The following KCNAB1 variants were observed in gnomAD, a reference collection of about 807,000 sequenced individuals.
The protein encoded by KCNAB1 is voltage-gated potassium channel subunit beta-1.
Under a neutral mutation model 64.6 loss-of-function variants are expected in KCNAB1, and 35 were observed. That is an observed-to-expected ratio of 0.54 (90% CI 0.41 to 0.72). The LOEUF (loss-of-function observed/expected upper bound fraction) is 0.72, where lower values mean the gene tolerates loss of function less well. KCNAB1 is among the 30% of genes least tolerant of loss of function. KCNAB1 has a pLI of 0.00. For missense variants in KCNAB1, 401 were observed against 512.9 expected (o/e 0.78, Z 2.11); for synonymous variants, 177 against 183.8 (o/e 0.96, Z 0.30).
At chr3:156,476,233 T>C (rs539228906) in intron 8 of KCNAB1, among the ~76,000 whole-genome samples, 7 of 152,268 alleles carry the variant, frequency 4.6e-5, no homozygotes, top group African/African-American at 9.6e-5. Flanking sequence ...TTGTAAGATT[T>C]TGGTGCACTT....
chr3:156,354,122 A>ATATATATATATATATATATGTGTG (rs1560212824), intron 1 of KCNAB1, among the ~76,000 whole-genome samples: 1 of 69,556 alleles, frequency 1.4e-5, no homozygotes, highest in African/African-American at 5.7e-5. Flanking sequence ...GTGTGTGTGT[A>ATATATATATATATATATATGTGTG]TATATATATA....
At chr3:156,405,401 A>G (rs1344530434) in intron 1 of KCNAB1, among the ~76,000 whole-genome samples, 1 of 152,212 alleles carries the variant, frequency 6.6e-6, no homozygotes, top group African/African-American at 2.4e-5. Flanking sequence ...CGTCTTACCC[A>G]TAAAGTGGTC....
chr3:156,483,222 A>G (rs999049903), intron 8 of KCNAB1, among the ~76,000 whole-genome samples: 5 of 152,086 alleles, frequency 3.3e-5, no homozygotes, highest in Admixed American at 3.3e-4. Context: ...TCAGTAGTAT[A>G]CTTGGAAAGA....
At chr3:156,509,189 A>C (rs918363004) in intron 8 of KCNAB1, among the ~76,000 whole-genome samples, 55 of 152,352 alleles carry the variant, frequency 3.6e-4, no homozygotes, top group African/African-American at 1.2e-3. Flanking sequence ...CACTTGGGTT[A>C]GATAAAAAAG....
At chr3:156,342,607 T>C (rs867768838) in intron 1 of KCNAB1, among the ~76,000 whole-genome samples, 13 of 92,222 alleles carry the variant, frequency 1.4e-4, no homozygotes, top group African/African-American at 6.6e-4. Flanking sequence ...TTTTTTTTTT[T>C]AATTTTTTTT....
At chr3:156,518,335 G>A (rs559439120) in intron 11 of KCNAB1, among the ~76,000 whole-genome samples, 1 of 152,156 alleles carries the variant, frequency 6.6e-6, no homozygotes, top group African/African-American at 2.4e-5. Flanking sequence ...GAGTGTTTTC[G>A]GAGTAATATA....
At chr3:156,396,011 A>C (rs1713439612) in intron 1 of KCNAB1, among the ~76,000 whole-genome samples, 1 of 152,222 alleles carries the variant, frequency 6.6e-6, no homozygotes, top group African/African-American at 2.4e-5. Flanking sequence ...TAGAAGTCGA[A>C]ACAATTTACT....
chr3:156,176,402 A>G (rs1377035424), intron 1 of KCNAB1: 2 of 784,788 alleles, frequency 2.5e-6, no homozygotes, highest in Non-Finnish European at 4.7e-6. Flanking sequence ...TAACTGTGCC[A>G]TCGTCACTGC....
rs1287706895 is a variant in KCNAB1 at position 156,537,309 on chromosome 3, A to AT, written c.*570dup. 15 of 353,356 alleles carry AT rather than the reference A, an allele frequency of 4.2e-5. No homozygotes were observed. The highest frequency in any genetic ancestry group is 1.4e-4 in the Admixed American group (3 of 21,478). The allele number at this position is 353,356 out of a possible 1,614,324, so 21.9% of individuals were successfully genotyped here. A position where few individuals can be genotyped will look rare whatever the true frequency, so the allele number is the denominator to read the frequency against. On this transcript the variant is annotated 3_prime_UTR_variant, in exon 14 of 14. Coordinates refer to ENST00000490337, the MANE Select transcript of KCNAB1 (RefSeq NM_172160.3). ...AGAATAAGCAGAAATAATTTTATAT[A>AT]TTTTTTTTCTATTTTCACATTCATA...
At chr3:156,525,578 C>T (rs921241930) in intron 12 of KCNAB1, among the ~76,000 whole-genome samples, 4 of 152,200 alleles carry the variant, frequency 2.6e-5, no homozygotes, top group Non-Finnish European at 5.9e-5. Context: ...TGCAGTGGCG[C>T]GATCTCGGCT....
intron 7 of KCNAB1, among the ~76,000 whole-genome samples, chr3:156,473,102 T>C (rs191409979): frequency 6.6e-6 from 1 of 152,312 alleles, no homozygotes; most frequent in African/African-American, 2.4e-5. Flanking sequence ...ACAGGGGGTC[T>C]AGTGAAAATT....
chr3:156,510,650 A>C (rs905177600), intron 8 of KCNAB1, among the ~76,000 whole-genome samples: 3 of 152,182 alleles, frequency 2.0e-5, no homozygotes, highest in African/African-American at 7.2e-5. Flanking sequence ...CAATGGCTCC[A>C]ACCTTGCTTG....
At chr3:156,247,342 A>T (rs928066236) in intron 1 of KCNAB1, among the ~76,000 whole-genome samples, 1 of 152,228 alleles carries the variant, frequency 6.6e-6, no homozygotes, top group Non-Finnish European at 1.5e-5. Flanking sequence ...AAAATAAATC[A>T]CAATGCTAAT....
intron 1 of KCNAB1, among the ~76,000 whole-genome samples, chr3:156,283,268 T>C (rs1445753165): frequency 1.3e-5 from 2 of 151,418 alleles, no homozygotes. Context: ...GAAAATTCTT[T>C]TCTTTAAGAG....
At chr3:156,161,454 C>T (rs1716071104) in intron 1 of KCNAB1, among the ~76,000 whole-genome samples, 1 of 152,198 alleles carries the variant, frequency 6.6e-6, no homozygotes, top group South Asian at 2.1e-4. Context: ...CACTCCCATC[C>T]AGCCCCCAAC....
At chr3:156,439,936 C>T (rs921161680) in intron 2 of KCNAB1, among the ~76,000 whole-genome samples, 1 of 152,198 alleles carries the variant, frequency 6.6e-6, no homozygotes, top group African/African-American at 2.4e-5. Flanking sequence ...AGACCACAAA[C>T]TTACATAAAG....
chr3:156,126,199 A>G (rs1399789046), intron 1 of KCNAB1, among the ~76,000 whole-genome samples: 1 of 152,132 alleles, frequency 6.6e-6, no homozygotes, highest in Non-Finnish European at 1.5e-5. Flanking sequence ...GCATCCTTCA[A>G]AGTTTCTTGC....
At chr3:156,465,539 A>AT in intron 6 of KCNAB1, 104 bp from the exon 7 acceptor site, 1 of 988,768 alleles carries the variant, frequency 1.0e-6, no homozygotes, top group Non-Finnish European at 1.6e-6. Flanking sequence ...GTGGTGTAGA[A>AT]TTTGATAAGA....
intron 2 of KCNAB1, chr3:156,441,185 G>A (rs569898952): frequency 6.6e-6 from 1 of 152,004 alleles, no homozygotes; most frequent in Non-Finnish European, 1.5e-5. Context: ...TTATTTCCTC[G>A]CAGATTCTGA....
Sources: allele counts gnomAD v4.1 joint callset (sites outside exome capture counted in the v4.1 genomes callset), GRCh38; gene constraint gnomAD v4.1.1; transcripts MANE v1.5; gene names NCBI Gene and HGNC (gene_info 2026-07-23, HGNC 2026-07-21).